The following ARL8B variants were observed in gnomAD, a reference collection of about 807,000 sequenced individuals.
ARL8B encodes the protein ARF like GTPase 8B, also known as ADP-ribosylation factor-like protein 8B.
A neutral mutation model predicts 30.6 loss-of-function variants in ARL8B; 9 were observed. That is an observed-to-expected ratio of 0.29 (90% confidence interval 0.18 to 0.51). ARL8B has a LOEUF of 0.51. ARL8B is among the 20% of genes least tolerant of loss of function. The pLI is 0.97. For missense variants in ARL8B, 130 were observed against 227.2 expected, an observed-to-expected ratio of 0.57 and a Z score of 2.75; for synonymous variants, 74 against 76.0, an observed-to-expected ratio of 0.97 and a Z score of 0.14.
chr3:5,167,670 C>T (rs149085938), intron 1 of ARL8B, among the ~76,000 whole-genome samples: 1 of 152,298 alleles, frequency 6.6e-6, no homozygotes, highest in East Asian at 1.9e-4. Flanking sequence ...GAAGATAATG[C>T]TACTCATTTC....
intron 2 of ARL8B, 34 bp downstream of exon 2, chr3:5,170,617 G>A (rs182910757): frequency 6.6e-7 from 1 of 1,507,554 alleles, no homozygotes; most frequent in East Asian, 2.3e-5. Flanking sequence ...AATTTAAATT[G>A]TTAGCACAGA....
In ARL8B at chr3:5,178,942, C is replaced by T. The variant is rs1168449620; in HGVS notation, c.*229C>T. The T allele has an allele frequency of 1.6e-6, 1 of 631,376 alleles. No homozygotes were observed. Among genetic ancestry groups the T allele is most frequent in the Non-Finnish European group, 2.4e-6 (1 of 411,938 alleles). 39.1% of individuals were successfully genotyped at this position (631,376 alleles called of 1,614,324 possible). A position where few individuals can be genotyped will look rare whatever the true frequency, so the allele number is the denominator to read the frequency against. On this transcript the variant is annotated 3_prime_UTR_variant, in exon 7 of 7. Coordinates refer to ENST00000256496, the MANE Select transcript of ARL8B (RefSeq NM_018184.3). ...CACACAAAAAGGCTTCTTACACATA[C>T]CTGTCTTAAACCATGTGTAGAGCTT... is the stretch of plus-strand genomic sequence containing the variant.
chr3:5,133,896 C>G (rs912029780), intron 1 of ARL8B, among the ~76,000 whole-genome samples: 2 of 152,200 alleles, frequency 1.3e-5, no homozygotes, highest in Non-Finnish European at 2.9e-5. Flanking sequence ...GATGGTGCCA[C>G]TGCATTCCAG....
intron 6 of ARL8B, among the ~76,000 whole-genome samples, chr3:5,177,847 C>T (rs1445739601): frequency 6.6e-6 from 1 of 152,202 alleles, no homozygotes; most frequent in Non-Finnish European, 1.5e-5. Context: ...TCGTATTGTG[C>T]ACTGTTGTCC....
chr3:5,170,387 T>G, intron 1 of ARL8B, 116 bp from the exon 2 acceptor site: 1 of 582,862 alleles, frequency 1.7e-6, no homozygotes, highest in East Asian at 3.2e-5. Context: ...AGTAGATTGT[T>G]ACCAATGGTA....
At chr3:5,159,466 G>A (rs944604924) in intron 1 of ARL8B, among the ~76,000 whole-genome samples, 5 of 151,804 alleles carry the variant, frequency 3.3e-5, no homozygotes, top group Admixed American at 2.6e-4. Flanking sequence ...GCTGGGTGTG[G>A]TGGTGCATGC....
chr3:5,127,690 G>C (rs1416781990), intron 1 of ARL8B, among the ~76,000 whole-genome samples: 1 of 151,822 alleles, frequency 6.6e-6, no homozygotes, highest in Admixed American at 6.6e-5. Flanking sequence ...TGGCTAATGC[G>C]GTGAAACCCC....
intron 1 of ARL8B, among the ~76,000 whole-genome samples, chr3:5,141,506 T>TAC (rs1294459660): frequency 6.6e-6 from 1 of 152,194 alleles, no homozygotes; most frequent in Non-Finnish European, 1.5e-5. Flanking sequence ...CAAGTAATAC[T>TAC]ACATCCCACT....
rs1320237259 is a variant in ARL8B, at chr3:5,159,948, C to T, written c.124-10555C>T. Among the ~76,000 whole-genome samples, 5 of 152,144 alleles carry T rather than the reference C, an allele frequency of 3.3e-5. No homozygotes were observed. In the East Asian group the frequency reaches 9.6e-4, roughly 29 times the overall value. Reference sequence around the variant, plus strand: ...AAACGCAAACATTCAAAAAGTAGTACAGATGTTTAGAGACCAACCAGGACA... The same window carrying T: ...AAACGCAAACATTCAAAAAGTAGTATAGATGTTTAGAGACCAACCAGGACA... On this transcript the variant is annotated intron_variant, in intron 1 of 6. Transcript: ENST00000256496.
chr3:5,147,293 A>T (rs1159413138), intron 1 of ARL8B, among the ~76,000 whole-genome samples: 1 of 152,138 alleles, frequency 6.6e-6, no homozygotes, highest in Non-Finnish European at 1.5e-5. Context: ...CCTTGGCGAT[A>T]GTTTGCTCAG....
chr3:5,152,255 G>A (rs2054491695), intron 1 of ARL8B, among the ~76,000 whole-genome samples: 1 of 152,104 alleles, frequency 6.6e-6, no homozygotes, highest in East Asian at 1.9e-4. Flanking sequence ...GTGTTTTGAA[G>A]TTTTGTTAGG....
intron 1 of ARL8B, among the ~76,000 whole-genome samples, chr3:5,163,086 G>C (rs184306429): frequency 9.3e-5 from 14 of 150,658 alleles, no homozygotes; most frequent in Admixed American, 9.3e-4. Flanking sequence ...TTCCCTGGTT[G>C]AAGTGATTCT....
intron 1 of ARL8B, among the ~76,000 whole-genome samples, chr3:5,141,796 A>G (rs562486671): frequency 4.0e-4 from 61 of 152,298 alleles, no homozygotes; most frequent in African/African-American, 9.6e-5. Context: ...TTTCCAGGCC[A>G]TTGGGCTGGT....
At chr3:5,150,221 G>A (rs1288861829) in intron 1 of ARL8B, among the ~76,000 whole-genome samples, 1 of 152,082 alleles carries the variant, frequency 6.6e-6, no homozygotes, top group South Asian at 2.1e-4. Flanking sequence ...CCAGCACTTC[G>A]GGAGGCTGAG....
intron 1 of ARL8B, among the ~76,000 whole-genome samples, chr3:5,138,871 G>C (rs1398039684): frequency 6.6e-6 from 1 of 152,190 alleles, no homozygotes; most frequent in East Asian, 1.9e-4. Context: ...TGGCTTTACA[G>C]TGCTTACTGT....
In ARL8B at chr3:5,178,710, C is replaced by T; in HGVS notation, c.558C>T (p.Ser186=). 1 of 1,611,836 alleles carries T rather than the reference C, an allele frequency of 6.2e-7. No individual in the cohort carries two copies. The highest frequency in any genetic ancestry group is 8.5e-7 in the Non-Finnish European group (1 of 1,178,918). Residue 186 remains serine (S), a synonymous_variant, in exon 7 of 7, where the codon AGC becomes AGT. Transcript: ENST00000256496. ...TTCAGCATTCAAAATCTAGAAGAAGCTGAAGCATCTCCTGAAGTCTTCCAG... is the reference window on the plus strand; with the variant it reads ...TTCAGCATTCAAAATCTAGAAGAAGTTGAAGCATCTCCTGAAGTCTTCCAG... The part of the protein sequence containing the change: ...WLIQHSKSRR[S]
chr3:5,166,789 A>G (rs1023975656), intron 1 of ARL8B, among the ~76,000 whole-genome samples: 19 of 152,220 alleles, frequency 1.2e-4, no homozygotes, highest in African/African-American at 4.6e-4. Flanking sequence ...TAGAAAATGT[A>G]GGTAAGTGCT....
At position 5,124,298 on chromosome 3, in the gene ARL8B, G is replaced by C. The variant is rs2054210451; in HGVS notation, c.123+1710G>C. On this transcript the variant is annotated intron_variant, in intron 1 of 6. Transcript: ENST00000256496. The stretch of plus-strand genomic sequence containing the variant: ...TTTTTTTTTTTTCTGGTAGAGACAA[G>C]ATCTTCCTATGTTGCCAGGCCAGCC... Among the ~76,000 whole-genome samples, 3 of 109,854 alleles carry C rather than the reference G, an allele frequency of 2.7e-5. No homozygotes were observed. In the South Asian group the frequency reaches 9.4e-4, roughly 34 times the overall value. 72.1% of individuals were successfully genotyped at this position (109,854 alleles called of 152,430 possible).
intron 1 of ARL8B, among the ~76,000 whole-genome samples, chr3:5,148,774 C>A (rs1485843794): frequency 6.6e-6 from 1 of 152,084 alleles, no homozygotes; most frequent in Non-Finnish European, 1.5e-5. Context: ...GTCTTTGGGC[C>A]AGATAAAACA....
Sources: allele counts gnomAD v4.1 joint callset (sites outside exome capture counted in the v4.1 genomes callset), GRCh38; gene constraint gnomAD v4.1.1; transcripts MANE v1.5; gene names NCBI Gene and HGNC (gene_info 2026-07-23, HGNC 2026-07-21).